Variants in STARD13 observed in about 807,000 individuals in gnomAD.
The protein encoded by STARD13 is StAR related lipid transfer domain containing 13.
Under a neutral mutation model 106.4 loss-of-function variants are expected in STARD13, and 62 were observed. The observed-to-expected ratio is 0.58, with a 90% CI of 0.48 to 0.72. STARD13 has a LOEUF of 0.72. Ranked by LOEUF, STARD13 falls within the 30% of genes least tolerant of loss-of-function variation. The pLI, the probability that STARD13 is intolerant of heterozygous loss-of-function variation, is 0.00. For missense variants in STARD13, 1,387 were observed against 1,424.0 expected (o/e 0.97, Z 0.42); for synonymous variants, 565 against 553.0 (o/e 1.02, Z -0.31).
chr13:33,580,861 C>T, the STARD13 span, among the ~76,000 whole-genome samples: 1 of 151,978 alleles, frequency 6.6e-6, no homozygotes, highest in African/African-American at 2.4e-5. Flanking sequence ...TTATCTCTCC[C>T]AGGAAAATAC....
At chr13:33,548,703 C>T in the STARD13 span, among the ~76,000 whole-genome samples, 3 of 151,896 alleles carry the variant, frequency 2.0e-5, no homozygotes, top group Non-Finnish European at 4.4e-5. Context: ...TTGGAGAATT[C>T]AACAATGTTT....
At chr13:33,486,547 C>T in the STARD13 span, among the ~76,000 whole-genome samples, 1 of 152,246 alleles carries the variant, frequency 6.6e-6, no homozygotes, top group African/African-American at 2.4e-5. Flanking sequence ...TTGTACTGTA[C>T]CACTGTAAAT....
At chr13:33,516,981 T>C in the STARD13 span, among the ~76,000 whole-genome samples, 1 of 150,896 alleles carries the variant, frequency 6.6e-6, no homozygotes, top group Admixed American at 6.6e-5. Flanking sequence ...AAAAAAGTAA[T>C]ATGTCAGTAA....
the STARD13 span, among the ~76,000 whole-genome samples, chr13:33,623,076 C>T: frequency 1.3e-5 from 2 of 152,030 alleles, no homozygotes; most frequent in African/African-American, 2.4e-5. Context: ...CCAGTGTAGG[C>T]AGCAGAGGGA....
chr13:33,521,703 A>G, the STARD13 span, among the ~76,000 whole-genome samples: 4 of 152,168 alleles, frequency 2.6e-5, no homozygotes, highest in East Asian at 7.7e-4. Flanking sequence ...GAATTGACAG[A>G]TTATGATTTT....
the STARD13 span, among the ~76,000 whole-genome samples, chr13:33,662,565 G>A: frequency 6.9e-3 from 1,053 of 152,250 alleles, 6 homozygotes; most frequent in Middle Eastern, 0.02. Context: ...ATCAAACCCT[G>A]CACTTTAACT....
chr13:33,285,690 G>T lies in STARD13; in HGVS notation c.-52C>A. On this transcript the variant is annotated 5_prime_UTR_variant, in exon 1 of 14. Coordinates refer to ENST00000336934, the MANE Select transcript of STARD13 (RefSeq NM_178006.4). The stretch of plus-strand genomic sequence containing the variant: ...AGTCTGCCTGTGGCTGTTGCCGTCT[G>T]TCTCCAGTCTCAGTCAAAGAGCAAG... 1 of 1,598,828 alleles carries T rather than the reference G, an allele frequency of 6.3e-7. No individual in the cohort carries two copies.
the STARD13 span, among the ~76,000 whole-genome samples, chr13:33,588,883 G>C: frequency 1.3e-5 from 2 of 152,102 alleles, no homozygotes; most frequent in Non-Finnish European, 2.9e-5. Context: ...CTTTCAACAA[G>C]CAATTTTCTG....
chr13:33,665,262 C>A, the STARD13 span, among the ~76,000 whole-genome samples: 2 of 152,062 alleles, frequency 1.3e-5, no homozygotes, highest in African/African-American at 2.4e-5. Flanking sequence ...GCAATTTATG[C>A]AATAAATTTT....
At chr13:33,425,519 T>G in the STARD13 span, among the ~76,000 whole-genome samples, 1 of 152,144 alleles carries the variant, frequency 6.6e-6, no homozygotes, top group African/African-American at 2.4e-5. Flanking sequence ...AGGAGGTACA[T>G]TTTTGTTTAT....
chr13:33,230,824 C>A, intron 1 of STARD13, among the ~76,000 whole-genome samples: 1 of 152,186 alleles, frequency 6.6e-6, no homozygotes, highest in East Asian at 1.9e-4. Context: ...AAAGTGCCAG[C>A]GAGGCACTGA....
intron 1 of STARD13, chr13:33,336,348 C>G (rs906779549): frequency 6.6e-6 from 1 of 152,170 alleles, no homozygotes; most frequent in Admixed American, 6.5e-5. Flanking sequence ...CACAAAACAG[C>G]GTAATCAAGC....
intron 1 of STARD13, among the ~76,000 whole-genome samples, chr13:33,180,077 T>A (rs994106114): frequency 3.9e-5 from 6 of 152,240 alleles, no homozygotes; most frequent in African/African-American, 1.4e-4. Flanking sequence ...GTCCACAGAA[T>A]GTTTCATGAT....
the STARD13 span, among the ~76,000 whole-genome samples, chr13:33,645,590 C>T: frequency 6.6e-6 from 1 of 152,192 alleles, no homozygotes; most frequent in Admixed American, 6.5e-5. Context: ...ATTCACATAA[C>T]CAACCTATAG....
At chr13:33,219,872 G>A (rs1000784692) in intron 1 of STARD13, among the ~76,000 whole-genome samples, 45 of 148,118 alleles carry the variant, frequency 3.0e-4, no homozygotes, top group Admixed American at 1.5e-3. Context: ...TATAAAAATA[G>A]ACAACTGCAG....
At chr13:33,227,508 T>G (rs1888689340) in intron 1 of STARD13, among the ~76,000 whole-genome samples, 3 of 152,204 alleles carry the variant, frequency 2.0e-5, no homozygotes, top group Non-Finnish European at 2.9e-5. Context: ...TATTTAGAGC[T>G]AGGCATTCCA....
the STARD13 span, among the ~76,000 whole-genome samples, chr13:33,650,161 C>T: frequency 9.5e-6 from 1 of 104,960 alleles, no homozygotes; most frequent in Non-Finnish European, 1.8e-5. Context: ...TGACGTGACT[C>T]CAATTTTTTT....
intron 1 of STARD13, among the ~76,000 whole-genome samples, chr13:33,298,069 C>G (rs184852530): frequency 6.6e-6 from 1 of 151,620 alleles, no homozygotes; most frequent in Non-Finnish European, 1.5e-5. Flanking sequence ...CTGGAGCACC[C>G]TGACAGTTTT....
Position 33,127,364 on chromosome 13 carries a change from G to T in STARD13, c.1922+9C>A. 6.3e-7 allele frequency: 1 copy of T among 1,583,734 alleles called. No homozygotes were observed. The highest frequency in any genetic ancestry group is 8.6e-7 in the Non-Finnish European group (1 of 1,165,684). ...CAAGGATCCCCTCCTAGGTGAATGT[G>T]CTACGCACCATGTCCAGCCGTGCTT... On this transcript the variant is annotated intron_variant, in intron 6 of 13. Coordinates refer to ENST00000336934, the MANE Select transcript of STARD13 (RefSeq NM_178006.4).
Sources: allele counts gnomAD v4.1 joint callset (sites outside exome capture counted in the v4.1 genomes callset), GRCh38; gene constraint gnomAD v4.1.1; transcripts MANE v1.5; gene names NCBI Gene and HGNC (gene_info 2026-07-23, HGNC 2026-07-21).